Variants in SHANK2 observed in about 807,000 individuals in gnomAD.
SHANK2 encodes SH3 and multiple ankyrin repeat domains protein 2.
Under a neutral mutation model 133.7 loss-of-function variants are expected in SHANK2, and 43 were observed. The ratio of observed to expected loss-of-function variants is 0.32; its 90% CI spans 0.25 to 0.41. The LOEUF (loss-of-function observed/expected upper bound fraction) is 0.41. SHANK2 is among the 10% of genes least tolerant of loss of function. The pLI, the probability that SHANK2 is intolerant of heterozygous loss-of-function variation, is 1.00. For missense variants in SHANK2, 1,994 were observed against 2,235.8 expected (o/e 0.89, Z 2.18); for synonymous variants, 1,017 against 952.8 (o/e 1.07, Z -1.24).
intron 11 of SHANK2, among the ~76,000 whole-genome samples, chr11:70,855,996 TG>T (rs1949164154): frequency 6.6e-6 from 1 of 151,642 alleles, no homozygotes; most frequent in South Asian, 2.1e-4. Flanking sequence ...AATGGATAGA[TG>T]GATGGATGGA....
At chr11:71,128,525 A>G (rs547774634) in intron 3 of SHANK2, among the ~76,000 whole-genome samples, 2 of 152,228 alleles carry the variant, frequency 1.3e-5, no homozygotes, top group South Asian at 2.1e-4. Context: ...GGCTGACACC[A>G]GCCTTGCGAT....
rs961034144 is a variant in SHANK2 at position 70,671,872 on chromosome 11, G to T, written c.1854-10194C>A. Among the ~76,000 whole-genome samples the T allele has an allele frequency of 2.0e-5, 3 of 152,078 alleles. No homozygotes were observed. In the East Asian group the frequency reaches 5.8e-4, roughly 30 times the overall value. The stretch of plus-strand genomic sequence containing the variant: ...AACACCCAAGTGCTGGCCCAAACCC[G>T]AGGAGCTGTCCTGAAGTGAGCTCTT... On this transcript the variant is annotated intron_variant, in intron 15 of 25. Coordinates refer to ENST00000601538, the MANE Select transcript of SHANK2 (RefSeq NM_012309.5).
chr11:70,781,417 T>G (rs1156957071), intron 14 of SHANK2, among the ~76,000 whole-genome samples: 1 of 150,742 alleles, frequency 6.6e-6, no homozygotes, highest in Non-Finnish European at 1.5e-5. Flanking sequence ...AACCCAGGCA[T>G]CTCTGAGAGC....
intron 3 of SHANK2, among the ~76,000 whole-genome samples, chr11:71,127,294 C>T (rs1222150555): frequency 2.6e-5 from 4 of 152,188 alleles, no homozygotes; most frequent in Non-Finnish European, 5.9e-5. Context: ...GCTATGAACA[C>T]TGTTGAAATG....
chr11:71,119,198 G>T (rs74574865), intron 3 of SHANK2, among the ~76,000 whole-genome samples, 166 bp from the exon 4 acceptor site: 4,449 of 152,220 alleles, frequency 0.029, 203 homozygotes, highest in African/African-American at 0.098. Flanking sequence ...CCTACTGGTT[G>T]CTGGGACACA....
upstream of SHANK2, among the ~76,000 whole-genome samples, chr11:71,253,000 T>C (rs1948213804): frequency 6.6e-6 from 1 of 152,200 alleles, no homozygotes; most frequent in South Asian, 2.1e-4. This position sits in a 1 kb window ranked among gnomAD's most constrained non-coding sequence, Gnocchi z 6.3. Context: ...TGCCTGCACA[T>C]CAAAACGTTT....
At chr11:70,864,203 G>A (rs190909447) in intron 11 of SHANK2, 105 of 197,460 alleles carry the variant, frequency 5.3e-4, no homozygotes, top group African/African-American at 2.2e-3. Context: ...TTCTGTTGCC[G>A]TGGCAACTCC....
rs1190994700 is a variant in SHANK2, at chr11:70,661,842, G to A, written c.1854-164C>T. 1.4e-5 allele frequency: 23 copies of A among 1,595,252 alleles called. 1 individual carries two copies. In the Admixed American group the frequency reaches 1.5e-4, roughly 10 times the overall value. On this transcript the variant is annotated intron_variant, in intron 15 of 25. Coordinates refer to ENST00000601538, the MANE Select transcript of SHANK2 (RefSeq NM_012309.5). ...GAGGCAGCGAGGGTGCAGGAGGAGC[G>A]AAGGAAGAGGGGGGTGGCTACCGGG...
At chr11:70,759,729 G>T (rs1555039763) in intron 14 of SHANK2, among the ~76,000 whole-genome samples, 2 of 152,158 alleles carry the variant, frequency 1.3e-5, no homozygotes, top group Non-Finnish European at 1.5e-5. Context: ...ACGAGTTCTG[G>T]CTGTCATAGT....
chr11:70,710,581 TCTC>T (rs1469761231), intron 14 of SHANK2, among the ~76,000 whole-genome samples: 44 of 152,326 alleles, frequency 2.9e-4, no homozygotes, highest in Admixed American at 1.3e-3. Context: ...ACCGAACTAA[TCTC>T]ATCATCTCAT....
At chr11:70,543,730 C>G (rs1162146975) in intron 17 of SHANK2, among the ~76,000 whole-genome samples, 2 of 152,212 alleles carry the variant, frequency 1.3e-5, no homozygotes, top group Admixed American at 6.5e-5. Flanking sequence ...TCATGGGAAC[C>G]CTGATTCATA....
At chr11:70,545,993 A>C (rs914614909) in intron 17 of SHANK2, among the ~76,000 whole-genome samples, 1 of 152,144 alleles carries the variant, frequency 6.6e-6, no homozygotes, top group Non-Finnish European at 1.5e-5. Flanking sequence ...CACAGGGAAG[A>C]GAAGCTCGGG....
rs1402662323 is a variant in SHANK2, at chr11:70,485,233, G to A, written c.4979+81C>T. 1.2e-5 allele frequency: 14 copies of A among 1,208,908 alleles called. No individual in the cohort carries two copies. The African/African-American group carries it at 2.1e-4, about 18-fold the overall frequency. The allele number at this position is 1,208,908 out of a possible 1,614,324, so 74.9% of individuals were successfully genotyped here. A position where few individuals can be genotyped will look rare whatever the true frequency, so the allele number is the denominator to read the frequency against. ...GAATTCCCCTCTTCGTGTCCGCTGG[G>A]GCTGCTACCCGAGGGCCTTTCCTGG... On this transcript the variant is annotated intron_variant, in intron 25 of 25. Coordinates refer to ENST00000601538, the MANE Select transcript of SHANK2 (RefSeq NM_012309.5). The surrounding 1 kb of genome is among the most constrained non-coding windows in gnomAD (Gnocchi z 5.8).
chr11:70,672,064 TTC>T (rs775984362), intron 15 of SHANK2, among the ~76,000 whole-genome samples: 5,571 of 111,398 alleles, frequency 0.05, 452 homozygotes, highest in African/African-American at 0.15. Flanking sequence ...TCTTTTCTTT[TTC>T]TTTTTTTTTT....
chr11:71,105,827 C>T (rs1415124748), intron 6 of SHANK2, among the ~76,000 whole-genome samples: 1 of 152,094 alleles, frequency 6.6e-6, no homozygotes, highest in African/African-American at 2.4e-5. Flanking sequence ...CATGTAAGCT[C>T]CGGACTTGAG....
intron 25 of SHANK2, among the ~76,000 whole-genome samples, chr11:70,483,511 A>G (rs1555152254): frequency 7.4e-6 from 1 of 135,752 alleles, no homozygotes; most frequent in African/African-American, 2.8e-5. Context: ...CCAGCCTGGG[A>G]CACATGGTGA....
At chr11:70,644,957 C>T (rs892948010) in intron 17 of SHANK2, among the ~76,000 whole-genome samples, 1 of 152,196 alleles carries the variant, frequency 6.6e-6, no homozygotes, top group African/African-American at 2.4e-5. Flanking sequence ...CATGGTGGCT[C>T]ATGGCTGTAA....
chr11:70,617,347 T>C (rs1012569253), intron 17 of SHANK2, among the ~76,000 whole-genome samples: 2 of 152,106 alleles, frequency 1.3e-5, no homozygotes, highest in African/African-American at 2.4e-5. Context: ...TGTACATGCA[T>C]GTTAAAACCC....
intron 14 of SHANK2, among the ~76,000 whole-genome samples, chr11:70,749,009 ACC>A (rs1946702892): frequency 2.0e-5 from 1 of 49,330 alleles, no homozygotes; most frequent in Admixed American, 1.8e-4. Flanking sequence ...ACACACAGCG[ACC>A]GACCTGAGGG....
Sources: gnomAD v4.1 joint callset for allele counts (sites outside exome capture counted in the v4.1 genomes callset) on GRCh38, gnomAD v4.1.1 for gene constraint, Gnocchi (gnomAD v3.1) non-coding constraint, MANE v1.5 for transcripts, NCBI Gene and HGNC (gene_info 2026-07-23, HGNC 2026-07-21) for gene names.